Variants in ATF6 observed in about 807,000 individuals in gnomAD.
The protein encoded by ATF6 is cyclic AMP-dependent transcription factor ATF-6 alpha.
ATF6 carries 53 observed loss-of-function variants against 83.6 expected under a neutral mutation model. The ratio of observed to expected loss-of-function variants is 0.63; its 90% CI spans 0.51 to 0.80. ATF6 has a LOEUF of 0.80. Ranked by LOEUF, ATF6 falls within the 30% of genes least tolerant of loss-of-function variation. ATF6 has a pLI of 0.00. For synonymous variants in ATF6, 288 were observed against 285.8 expected, an observed-to-expected ratio of 1.01 and a Z score of -0.08; for missense variants, 744 against 797.9, an observed-to-expected ratio of 0.93 and a Z score of 0.81.
chr1:161,877,416 A>C (rs76297490), intron 14 of ATF6, among the ~76,000 whole-genome samples: 1,984 of 152,188 alleles, frequency 0.013, 48 homozygotes, highest in African/African-American at 0.044. Flanking sequence ...ACATGGGGGG[A>C]ATTCAAGGAT....
In ATF6 at chr1:161,863,228, T is replaced by G. The variant is rs1238629026; in HGVS notation, c.1635T>G (p.Tyr545Ter). 3 of 1,611,864 alleles carry G rather than the reference T, an allele frequency of 1.9e-6. No individual in the cohort carries two copies. The South Asian group carries it at 3.3e-5, about 18-fold the overall frequency. The part of the protein sequence containing the change: ...SRNSGSELQV[Y>*]YASPRSYQDF... ...ACTCAGGGAGTGAGCTACAAGTGTA[T>G]TATGCTTCACCCAGAAGTTATCAAG... Residue 545 changes from tyrosine (Y) to a stop codon, truncating the protein, a stop_gained, in exon 14 of 16, where the codon TAT (tyrosine) becomes TAG (stop). Transcript: ENST00000367942. LOFTEE classifies it high-confidence loss of function.
chr1:161,818,390 G>T (rs1685668652), intron 7 of ATF6, among the ~76,000 whole-genome samples: 1 of 152,128 alleles, frequency 6.6e-6, no homozygotes, highest in African/African-American at 2.4e-5. Flanking sequence ...ATTTCGCTCA[G>T]TAAGTTTCTG....
At chr1:161,801,606 G>C (rs1685151429) in intron 6 of ATF6, among the ~76,000 whole-genome samples, 1 of 151,770 alleles carries the variant, frequency 6.6e-6, no homozygotes, top group Non-Finnish European at 1.5e-5. Flanking sequence ...GAGTTACTAA[G>C]TTTATGTTCA....
At chr1:161,938,188 C>T (rs964534621) in intron 15 of ATF6, among the ~76,000 whole-genome samples, 3 of 152,130 alleles carry the variant, frequency 2.0e-5, no homozygotes, top group Non-Finnish European at 4.4e-5. Context: ...TTTCTTCATC[C>T]CATGCACTAT....
intron 12 of ATF6, among the ~76,000 whole-genome samples, chr1:161,855,415 C>T (rs1396074212): frequency 6.6e-6 from 1 of 152,036 alleles, no homozygotes; most frequent in Non-Finnish European, 1.5e-5. Context: ...GGGGAAGGAG[C>T]AGTTAGAGGT....
intron 1 of ATF6, among the ~76,000 whole-genome samples, chr1:161,776,510 A>G (rs1684517999): frequency 6.6e-6 from 1 of 152,202 alleles, no homozygotes. Flanking sequence ...GAGGAAAGGT[A>G]GGAAGCCACA....
chr1:161,843,219 C>T (rs1411191555), intron 9 of ATF6, among the ~76,000 whole-genome samples: 2 of 152,116 alleles, frequency 1.3e-5, no homozygotes, highest in Non-Finnish European at 2.9e-5. Flanking sequence ...GGAGTACCCA[C>T]AGGAAACTCA....
chr1:161,830,949 G>A (rs1236422460), intron 9 of ATF6, among the ~76,000 whole-genome samples: 1 of 152,152 alleles, frequency 6.6e-6, no homozygotes, highest in East Asian at 1.9e-4. Context: ...TTGACAAATG[G>A]GATCTAATTA....
intron 13 of ATF6, 114 bp from the exon 14 acceptor site, chr1:161,863,084 A>C: frequency 1.8e-6 from 1 of 568,346 alleles, no homozygotes; most frequent in Non-Finnish European, 3.1e-6. Flanking sequence ...AGTGCAACTA[A>C]TATTTTGGTT....
At chr1:161,936,840 G>T (rs1392266911) in intron 15 of ATF6, among the ~76,000 whole-genome samples, 3 of 152,118 alleles carry the variant, frequency 2.0e-5, no homozygotes, top group African/African-American at 4.8e-5. Context: ...TAACCAAACT[G>T]ATTTCCACCC....
chr1:161,770,468 G>C (rs971613122), intron 1 of ATF6, among the ~76,000 whole-genome samples: 8 of 152,112 alleles, frequency 5.3e-5, no homozygotes, highest in Non-Finnish European at 1.0e-4. Flanking sequence ...TCTGGTTAGG[G>C]CTCTCTTCCT....
chr1:161,861,912 G>A (rs1686895308), intron 13 of ATF6, among the ~76,000 whole-genome samples: 1 of 152,152 alleles, frequency 6.6e-6, no homozygotes, highest in Admixed American at 6.5e-5. Context: ...GCTGTGATGT[G>A]CTGTGTGGAG....
intron 14 of ATF6, among the ~76,000 whole-genome samples, chr1:161,906,753 C>A (rs533281200): frequency 3.0e-4 from 45 of 152,104 alleles, no homozygotes; most frequent in Non-Finnish European, 2.9e-4. Context: ...GGCTGACATG[C>A]GTATTAATGG....
chr1:161,913,359 T>C (rs1225993960), intron 15 of ATF6, among the ~76,000 whole-genome samples: 1 of 152,144 alleles, frequency 6.6e-6, no homozygotes, highest in African/African-American at 2.4e-5. Flanking sequence ...AACAAAACAC[T>C]AGAATTTTGG....
intron 12 of ATF6, among the ~76,000 whole-genome samples, chr1:161,854,417 T>G (rs934712589): frequency 2.0e-5 from 3 of 152,204 alleles, no homozygotes; most frequent in Non-Finnish European, 4.4e-5. Context: ...AGGCCTGGCT[T>G]TTAGCCAATG....
chr1:161,896,807 T>C (rs1277897616), intron 14 of ATF6, among the ~76,000 whole-genome samples: 1 of 152,172 alleles, frequency 6.6e-6, no homozygotes, highest in Non-Finnish European at 1.5e-5. Flanking sequence ...TGTTTGAGAT[T>C]TAGAGGTGTA....
intron 10 of ATF6, among the ~76,000 whole-genome samples, chr1:161,851,224 C>T (rs1686614977): frequency 1.0e-5 from 1 of 96,230 alleles, no homozygotes; most frequent in Non-Finnish European, 2.0e-5. Flanking sequence ...TGTGTCTCAC[C>T]CTATCCTTAA....
intron 14 of ATF6, among the ~76,000 whole-genome samples, chr1:161,903,363 A>T (rs1687826594): frequency 2.0e-5 from 3 of 152,174 alleles, no homozygotes; most frequent in African/African-American, 7.2e-5. Flanking sequence ...TGAGATCATG[A>T]TGGAGAGAGA....
chr1:161,851,010 A>G lies in ATF6; in HGVS notation c.1320-712A>G, dbSNP rs987469116. Reference sequence around the variant, plus strand: ...TATTTTTGAAGCAAATGGAGTAACTAGTTAATGTCAGTCACTCTGTTGTTT... The same window carrying G: ...TATTTTTGAAGCAAATGGAGTAACTGGTTAATGTCAGTCACTCTGTTGTTT... On this transcript the variant is annotated intron_variant, in intron 10 of 15. Transcript: ENST00000367942. 2.0e-5 allele frequency among the ~76,000 whole-genome samples: 3 copies of G among 152,158 alleles called. No individual in the cohort carries two copies. In the East Asian group the frequency reaches 5.8e-4, roughly 29 times the overall value.
Sources: gnomAD v4.1 joint callset for allele counts (sites outside exome capture counted in the v4.1 genomes callset) on GRCh38, gnomAD v4.1.1 for gene constraint, MANE v1.5 for transcripts, NCBI Gene and HGNC (gene_info 2026-07-23, HGNC 2026-07-21) for gene names.